LAMA2: variants seen among roughly 807,000 people sequenced by gnomAD.
LAMA2 encodes laminin subunit alpha 2.
Under a neutral mutation model 364.8 loss-of-function variants are expected in LAMA2, and 269 were observed. The ratio of observed to expected loss-of-function variants is 0.74; its 90% CI spans 0.67 to 0.82. The LOEUF (loss-of-function observed/expected upper bound fraction) is 0.82. Among genes scored for constraint, LAMA2 ranks in the 40% least tolerant of loss-of-function variants. LAMA2 has a pLI of 0.00. For synonymous variants in LAMA2, 1,379 were observed against 1,370.6 expected, an observed-to-expected ratio of 1.01 and a Z score of -0.14; for missense variants, 3,807 against 3,873.2, an observed-to-expected ratio of 0.98 and a Z score of 0.45.
rs369236824 is a variant in LAMA2, at chr6:129,207,156, A to G, written c.1782+14303A>G. Among the ~76,000 whole-genome samples, 8 of 152,340 alleles carry G rather than the reference A, an allele frequency of 5.3e-5. No individual in the cohort carries two copies. The South Asian group carries it at 8.3e-4, about 16-fold the overall frequency. On this transcript the variant is annotated intron_variant, in intron 12 of 64. Coordinates refer to ENST00000421865, the MANE Select transcript of LAMA2 (RefSeq NM_000426.4). The stretch of plus-strand genomic sequence containing the variant: ...GTTTTACTCAGATGAATATATTTAC[A>G]GCTATTTCCAAAGAAACGGGCCCTT...
intron 8 of LAMA2, among the ~76,000 whole-genome samples, chr6:129,159,721 G>A (rs1379684862): frequency 6.6e-6 from 1 of 152,158 alleles, no homozygotes; most frequent in Non-Finnish European, 1.5e-5. Flanking sequence ...TATGGAGTAT[G>A]ATGTGAACTG....
At chr6:129,231,449 C>T (rs1310513482) in intron 12 of LAMA2, among the ~76,000 whole-genome samples, 2 of 152,012 alleles carry the variant, frequency 1.3e-5, no homozygotes, top group African/African-American at 2.4e-5. Flanking sequence ...TTTGATTTTC[C>T]CACAGTGCCA....
At chr6:129,422,009 T>A (rs761647928) in intron 40 of LAMA2, among the ~76,000 whole-genome samples, 12 of 152,012 alleles carry the variant, frequency 7.9e-5, no homozygotes, top group Non-Finnish European at 1.8e-4. Context: ...CATTGCCCAG[T>A]TTCCTTACTC....
chr6:129,424,255 T>C (rs1452938808), intron 40 of LAMA2, among the ~76,000 whole-genome samples: 1 of 151,810 alleles, frequency 6.6e-6, no homozygotes, highest in East Asian at 1.9e-4. Flanking sequence ...CTGTAAAACA[T>C]AAAAATATAA....
chr6:128,997,977 G>A (rs1041440203), intron 1 of LAMA2, among the ~76,000 whole-genome samples: 28 of 152,036 alleles, frequency 1.8e-4, no homozygotes, highest in Non-Finnish European at 2.9e-5. Context: ...TGAAATCAAG[G>A]AGAAGGTGAT....
chr6:129,238,137 C>A lies in LAMA2; in HGVS notation c.1783-11975C>A, dbSNP rs539844137. Among the ~76,000 whole-genome samples the A allele has an allele frequency of 2.4e-4, 36 of 150,638 alleles. 1 individual carries two copies. In the South Asian group the frequency reaches 7.5e-3, roughly 32 times the overall value. On this transcript the variant is annotated intron_variant, in intron 12 of 64. Transcript: ENST00000421865. Reference sequence around the variant, plus strand: ...GCAGTGAGCCAAGATAGTGCCATTGCACTCCAGACTGGGCAACAGAGCAAG... The same window carrying A: ...GCAGTGAGCCAAGATAGTGCCATTGAACTCCAGACTGGGCAACAGAGCAAG...
rs762605718 is a variant in LAMA2 at position 129,440,905 on chromosome 6, C to T, written c.6175C>T (p.His2059Tyr). Residue 2059 changes from histidine (H) to tyrosine (Y), a missense_variant, in exon 43 of 65, where the codon CAC becomes TAC. This residue lies in a region of LAMA2 where 3,333 missense variants were observed against 3,345.7 expected (regional missense o/e 1.00). Coordinates refer to ENST00000421865, the MANE Select transcript of LAMA2 (RefSeq NM_000426.4). ...KDVLAQITEL[H>Y]QNLDGLKKNY... ...TGTACTGGCACAGATTACAGAGCTCCACCAGAACCTCGATGGCCTGAAGAA... is the reference window on the plus strand; with the variant it reads ...TGTACTGGCACAGATTACAGAGCTCTACCAGAACCTCGATGGCCTGAAGAA... The T allele has an allele frequency of 6.8e-6, 11 of 1,613,824 alleles. No individual in the cohort carries two copies. The African/African-American group carries it at 1.3e-4, about 20-fold the overall frequency.
intron 3 of LAMA2, among the ~76,000 whole-genome samples, chr6:129,097,133 C>T (rs781393250): frequency 5.3e-5 from 8 of 152,194 alleles, no homozygotes; most frequent in Non-Finnish European, 8.8e-5. Context: ...CTGCCAAGCT[C>T]TCATACCTCA....
intron 7 of LAMA2, among the ~76,000 whole-genome samples, chr6:129,152,410 G>T (rs532671409): frequency 6.6e-6 from 1 of 152,070 alleles, no homozygotes; most frequent in Non-Finnish European, 1.5e-5. Flanking sequence ...TTTTTTAAGC[G>T]ATTAAAATTT....
chr6:129,275,424 CTG>C (rs1308925552), intron 17 of LAMA2, among the ~76,000 whole-genome samples: 1 of 151,972 alleles, frequency 6.6e-6, no homozygotes, highest in African/African-American at 2.4e-5. Flanking sequence ...ACTCACCTCT[CTG>C]TGCTTCTTCC....
intron 30 of LAMA2, among the ~76,000 whole-genome samples, chr6:129,348,046 G>A (rs1012129434): frequency 3.3e-5 from 5 of 152,128 alleles, no homozygotes; most frequent in Admixed American, 2.0e-4. Flanking sequence ...GTGTGTTCGC[G>A]TATGCGTGCA....
At chr6:128,915,964 G>T (rs1483936556) in intron 1 of LAMA2, among the ~76,000 whole-genome samples, 2 of 152,122 alleles carry the variant, frequency 1.3e-5, no homozygotes, top group East Asian at 1.9e-4. Context: ...CAGCTAATTA[G>T]TCACTATTTT....
At chr6:129,138,903 T>TTAAAG (rs1379296055) in intron 4 of LAMA2, among the ~76,000 whole-genome samples, 1 of 151,962 alleles carries the variant, frequency 6.6e-6, no homozygotes, top group African/African-American at 2.4e-5. Context: ...TTAGGAAGGA[T>TTAAAG]TAAAGTTGGC....
At position 129,397,938 on chromosome 6, in the gene LAMA2, GAAAAAAAAA is replaced by G. The variant is rs58131786; in HGVS notation, c.5446-3269_5446-3261del. Among the ~76,000 whole-genome samples, 68 of 103,512 alleles carry G rather than the reference GAAAAAAAAA, an allele frequency of 6.6e-4. 2 individuals carry two copies. The highest frequency in any genetic ancestry group is 2.5e-3 in the African/African-American group (63 of 24,722). The allele number at this position is 103,512 out of a possible 152,430, so 67.9% of individuals were successfully genotyped here. On this transcript the variant is annotated intron_variant, in intron 37 of 64. Transcript: ENST00000421865. Reference sequence around the variant, plus strand: ...GGCGACAGAGTGAGACTCCGTCTCAGAAAAAAAAAAAAAAAAAAAAAAAAATTATTTAAC... The same window carrying G: ...GGCGACAGAGTGAGACTCCGTCTCAGAAAAAAAAAAAAAAAATTATTTAAC...
In LAMA2 at chr6:129,315,913, T is replaced by C. The variant is rs898902299; in HGVS notation, c.3887T>C (p.Ile1296Thr). ...GTCAGGCATATGGCTGCTCCTCTGATTGGCCAATTGACAAGGCATGAAATT... is the reference window on the plus strand; with the variant it reads ...GTCAGGCATATGGCTGCTCCTCTGACTGGCCAATTGACAAGGCATGAAATT... ...IIVRHMAAPLIGQLTRHEIEM... is the reference protein window; with the variant it reads ...IIVRHMAAPLTGQLTRHEIEM... Residue 1296 changes from isoleucine to threonine, a missense_variant, in exon 26 of 65, where the codon ATT (isoleucine) becomes ACT (threonine). Physicochemically the swap from Ile to Thr is moderately conservative, Grantham distance 89 (BLOSUM62 -1). This residue lies in a region of LAMA2 where 3,333 missense variants were observed against 3,345.7 expected (regional missense o/e 1.00). Transcript: ENST00000421865. The C allele has an allele frequency of 8.1e-6, 13 of 1,613,978 alleles. No individual in the cohort carries two copies. The highest frequency in any genetic ancestry group is 1.0e-5 in the Non-Finnish European group (12 of 1,180,022).
At chr6:129,312,328 C>G (rs1011782311) in intron 22 of LAMA2, among the ~76,000 whole-genome samples, 2 of 152,196 alleles carry the variant, frequency 1.3e-5, no homozygotes, top group African/African-American at 4.8e-5. Context: ...TGTTACTTCT[C>G]TTCAAGCTCT....
At chr6:128,964,707 A>G (rs539775365) in intron 1 of LAMA2, among the ~76,000 whole-genome samples, 1 of 152,164 alleles carries the variant, frequency 6.6e-6, no homozygotes, top group African/African-American at 2.4e-5. Flanking sequence ...GAAATCCAAA[A>G]CACATACTAC....
chr6:129,196,737 A>C (rs1781873687), intron 12 of LAMA2, among the ~76,000 whole-genome samples: 1 of 152,218 alleles, frequency 6.6e-6, no homozygotes, highest in Non-Finnish European at 1.5e-5. Context: ...TGGCTATAAA[A>C]GTAAATAGGA....
At chr6:128,905,593 TTTTG>T (rs1047660164) in intron 1 of LAMA2, 21 of 152,142 alleles carry the variant, frequency 1.4e-4, no homozygotes, top group African/African-American at 4.6e-4. Context: ...ATAATTTCTT[TTTTG>T]TTTGTTTTTT....
Sources: gnomAD v4.1 joint callset for allele counts (sites outside exome capture counted in the v4.1 genomes callset) on GRCh38, gnomAD v4.1.1 for gene constraint, gnomAD v4.1.1 regional missense constraint, MANE v1.5 for transcripts, NCBI Gene and HGNC (gene_info 2026-07-23, HGNC 2026-07-21) for gene names.